The following HSDL2 variants were observed in gnomAD, a reference collection of about 807,000 sequenced individuals.
HSDL2 encodes hydroxysteroid dehydrogenase-like protein 2.
HSDL2 carries 27 observed loss-of-function variants against 46.3 expected under a neutral mutation model. The ratio of observed to expected loss-of-function variants is 0.58; its 90% confidence interval spans 0.43 to 0.80. HSDL2 has a LOEUF of 0.80. Ranked by LOEUF, HSDL2 falls within the 30% of genes least tolerant of loss-of-function variation. The probability of loss-of-function intolerance (pLI) is 0.00; values close to 1 mark genes in which losing one functional copy is unlikely to be tolerated. For synonymous variants in HSDL2, 153 were observed against 163.6 expected (o/e 0.94, Z 0.50); for missense variants, 451 against 502.7 (o/e 0.90, Z 0.98).
At chr9:112,410,403 A>G (rs953307973) in intron 4 of HSDL2, among the ~76,000 whole-genome samples, 2 of 152,164 alleles carry the variant, frequency 1.3e-5, no homozygotes, top group Non-Finnish European at 2.9e-5. Flanking sequence ...ATGACTTTCT[A>G]TTTTGTGACC....
In HSDL2 at chr9:112,418,321, A is replaced by G. The variant is rs192258509; in HGVS notation, c.500-539A>G. ...AGGGAGGCTGGGTACGGTGGCTCGT[A>G]CCTGTAATCCCAGCACTTTGGGAGG... On this transcript the variant is annotated intron_variant, in intron 5 of 10. Transcript: ENST00000398805. Among the ~76,000 whole-genome samples the G allele has an allele frequency of 3.6e-3, 546 of 152,144 alleles. 6 individuals carry two copies. Among genetic ancestry groups the G allele is most frequent in the Middle Eastern group, 0.014 (4 of 294 alleles).
chr9:112,416,221 G>A (rs985072614), intron 4 of HSDL2, among the ~76,000 whole-genome samples: 1 of 151,510 alleles, frequency 6.6e-6, no homozygotes, highest in African/African-American at 2.4e-5. Context: ...ACACGCCTGC[G>A]CCACATAGCA....
intron 1 of HSDL2, among the ~76,000 whole-genome samples, chr9:112,386,503 T>G (rs1831220199): frequency 6.6e-6 from 1 of 152,072 alleles, no homozygotes; most frequent in African/African-American, 2.4e-5. Context: ...AATTTTGAGC[T>G]TGGCATGGTG....
chr9:112,386,925 G>T (rs1831230259), intron 1 of HSDL2, among the ~76,000 whole-genome samples: 1 of 152,154 alleles, frequency 6.6e-6, no homozygotes, highest in East Asian at 1.9e-4. Flanking sequence ...CAAATAAATG[G>T]CATAAAGAGT....
intron 4 of HSDL2, among the ~76,000 whole-genome samples, chr9:112,411,019 G>C (rs1194508353): frequency 6.6e-6 from 1 of 152,210 alleles, no homozygotes; most frequent in Non-Finnish European, 1.5e-5. Context: ...TAGAAGATCT[G>C]GCCAAATAGA....
At chr9:112,411,805 T>G (rs1831874855) in intron 4 of HSDL2, among the ~76,000 whole-genome samples, 2 of 152,170 alleles carry the variant, frequency 1.3e-5, no homozygotes, top group Admixed American at 6.5e-5. Context: ...TAGAAAAAAT[T>G]ATATGGGAAT....
chr9:112,450,604 A>G lies in HSDL2; in HGVS notation c.866-3409A>G, dbSNP rs1007959225. On this transcript the variant is annotated intron_variant, in intron 8 of 10. Coordinates refer to ENST00000398805, the MANE Select transcript of HSDL2 (RefSeq NM_032303.5). ...AGATCATGCCACTGCACTCCAGCCT[A>G]GGTGACAGAGCAAGACTGCCTCAAA... Among the ~76,000 whole-genome samples the G allele has an allele frequency of 7.4e-5, 10 of 135,098 alleles. No homozygotes were observed. The South Asian group carries it at 1.7e-3, about 23-fold the overall frequency. The allele number at this position is 135,098 out of a possible 152,430, so 88.6% of individuals were successfully genotyped here.
chr9:112,390,691 G>C (rs950981800), intron 1 of HSDL2, among the ~76,000 whole-genome samples: 2 of 151,956 alleles, frequency 1.3e-5, no homozygotes, highest in Non-Finnish European at 2.9e-5. Flanking sequence ...GGGCTCAATC[G>C]ATCCTCCCAT....
intron 8 of HSDL2, among the ~76,000 whole-genome samples, chr9:112,446,256 G>T (rs1395834980): frequency 6.6e-6 from 1 of 152,016 alleles, no homozygotes; most frequent in Admixed American, 6.6e-5. Flanking sequence ...TTTCAGATGT[G>T]GCACCTGTTG....
intron 6 of HSDL2, chr9:112,433,764 C>T (rs988047188): frequency 6.6e-6 from 1 of 152,322 alleles, no homozygotes; most frequent in Admixed American, 6.5e-5. Context: ...CGTAGAGTGA[C>T]TCTCTTTATG....
At chr9:112,418,765 G>A (rs896776023) in intron 5 of HSDL2, 95 bp from the exon 6 acceptor site, 2 of 540,858 alleles carry the variant, frequency 3.7e-6, no homozygotes, top group East Asian at 7.6e-5. Flanking sequence ...ATATCAGGAA[G>A]AAAATAGTAA....
chr9:112,460,712 C>A (rs1833180585), intron 10 of HSDL2, among the ~76,000 whole-genome samples: 1 of 150,236 alleles, frequency 6.7e-6, no homozygotes, highest in South Asian at 2.1e-4. Flanking sequence ...CACCACCGCA[C>A]TCCAGCCTGG....
Position 112,454,063 on chromosome 9 carries a change from C to A in HSDL2, c.916C>A (p.Arg306Ser), listed in dbSNP as rs200143255. The stretch of plus-strand genomic sequence containing the variant: ...GAAACTGCAGCTGCAACCAAAACCA[C>A]GTTCTGGAGCTGTGGAAGAAACATT... ...EEKLQLQPKP[R>S]SGAVEETFRI... Residue 306 changes from arginine (R) to serine (S), a missense_variant, in exon 9 of 11, where the codon CGT becomes AGT. Transcript: ENST00000398805. 5 of 1,613,746 alleles carry A rather than the reference C, an allele frequency of 3.1e-6. No homozygotes were observed. The Admixed American group carries it at 6.7e-5, about 22-fold the overall frequency.
At chr9:112,415,961 A>C (rs917637062) in intron 4 of HSDL2, among the ~76,000 whole-genome samples, 11 of 152,120 alleles carry the variant, frequency 7.2e-5, no homozygotes, top group African/African-American at 2.7e-4. Flanking sequence ...ACAAAACATT[A>C]GCCGGACGTG....
intron 6 of HSDL2, among the ~76,000 whole-genome samples, chr9:112,437,566 ATG>A (rs3032090): frequency 0.5 from 75,980 of 151,372 alleles, 19,221 homozygotes; most frequent in South Asian, 0.6. Flanking sequence ...ACCCACAAGA[ATG>A]TGTGCATGTG....
At chr9:112,469,677 A>G (rs1833509787) in intron 10 of HSDL2, 1 of 151,800 alleles carries the variant, frequency 6.6e-6, no homozygotes, top group Admixed American at 6.6e-5. Flanking sequence ...AAAAAAAAAA[A>G]AAAAAAAAAA....
intron 10 of HSDL2, 75 bp from the exon 11 acceptor site, chr9:112,470,357 A>T (rs1833539322): frequency 2.5e-6 from 2 of 815,170 alleles, no homozygotes; most frequent in Non-Finnish European, 4.0e-6. Flanking sequence ...TTCTTTTTAC[A>T]ATGCGTGTTC....
At position 112,454,153 on chromosome 9, in the gene HSDL2, G is replaced by A; in HGVS notation, c.1006G>A (p.Glu336Lys). ...VKATQAIYLFELSGEDGGTWF... is the reference protein window; with the variant it reads ...VKATQAIYLFKLSGEDGGTWF... ...AGCCACTCAAGCAATCTATCTGTTT[G>A]AACTCTCCGGTAAGGACTGCATCTG... Residue 336 changes from glutamate to lysine, a missense_variant, in exon 9 of 11, where the codon GAA (glutamate) becomes AAA (lysine). By Grantham distance (56) the Glu-to-Lys change is moderately conservative (BLOSUM62 1). Transcript: ENST00000398805. 6.2e-7 allele frequency: 1 copy of A among 1,612,868 alleles called. No homozygotes were observed. Among genetic ancestry groups the A allele is most frequent in the Non-Finnish European group, 8.5e-7 (1 of 1,179,624 alleles).
At chr9:112,410,994 C>G (rs1317708233) in intron 4 of HSDL2, among the ~76,000 whole-genome samples, 1 of 152,160 alleles carries the variant, frequency 6.6e-6, no homozygotes, top group Non-Finnish European at 1.5e-5. Context: ...AGATTTCTAG[C>G]TTTTCTTGAA....
Sources: allele counts gnomAD v4.1 joint callset (sites outside exome capture counted in the v4.1 genomes callset), GRCh38; gene constraint gnomAD v4.1.1; transcripts MANE v1.5; gene names NCBI Gene and HGNC (gene_info 2026-07-23, HGNC 2026-07-21).